GPC5: variants seen among roughly 807,000 people sequenced by gnomAD.
The protein encoded by GPC5 is glypican 5.
Under a neutral mutation model 53.9 loss-of-function variants are expected in GPC5, and 47 were observed. That is an observed-to-expected ratio of 0.87 (90% confidence interval 0.69 to 1.11). The LOEUF (loss-of-function observed/expected upper bound fraction) is 1.11, where lower values mean the gene tolerates loss of function less well. GPC5 is among the 50% of genes most tolerant of loss of function. The pLI is 0.00. For synonymous variants in GPC5, 286 were observed against 263.3 expected, an observed-to-expected ratio of 1.09 and a Z score of -0.84; for missense variants, 748 against 713.1, an observed-to-expected ratio of 1.05 and a Z score of -0.56.
At chr13:92,731,565 A>T (rs1379861710) in intron 7 of GPC5, among the ~76,000 whole-genome samples, 1 of 151,506 alleles carries the variant, frequency 6.6e-6, no homozygotes, top group Non-Finnish European at 1.5e-5. Flanking sequence ...GTTCAAATTC[A>T]AGATATCATG....
intron 7 of GPC5, among the ~76,000 whole-genome samples, chr13:92,469,124 A>G (rs1878811583): frequency 6.6e-6 from 1 of 152,184 alleles, no homozygotes; most frequent in African/African-American, 2.4e-5. Context: ...ATGAGTGAGC[A>G]GTTGTTACTA....
intron 2 of GPC5, among the ~76,000 whole-genome samples, chr13:91,549,793 T>G (rs1288958404): frequency 1.3e-5 from 2 of 152,174 alleles, no homozygotes; most frequent in Non-Finnish European, 2.9e-5. Context: ...CCAACAGCTC[T>G]CATTAATTGC....
chr13:91,916,709 A>G (rs77403155), intron 6 of GPC5, among the ~76,000 whole-genome samples: 62 of 152,274 alleles, frequency 4.1e-4, no homozygotes, highest in Middle Eastern at 3.4e-3. Context: ...GTCCTCAGGA[A>G]CCTTACAATC....
In GPC5 at chr13:91,528,355, T is replaced by G. The variant is rs567917508; in HGVS notation, c.325+79433T>G. Among the ~76,000 whole-genome samples, 113 of 152,320 alleles carry G rather than the reference T, an allele frequency of 7.4e-4. 11 individuals carry two copies. The highest frequency in any genetic ancestry group is 1.0e-4 in the Non-Finnish European group (7 of 68,030). ...TCTCAAGTTCAAAGTTTCACAGATC[T>G]CTAGGGTAGAGGCAAAATGCTGCCA... On this transcript the variant is annotated intron_variant, in intron 2 of 7. Transcript: ENST00000377067.
chr13:92,570,850 C>T (rs1393937767), intron 7 of GPC5, among the ~76,000 whole-genome samples: 3 of 152,232 alleles, frequency 2.0e-5, no homozygotes, highest in Non-Finnish European at 4.4e-5. Context: ...ATCCTCACAA[C>T]AGCCACATAA....
chr13:92,128,665 A>C (rs2041719318), intron 6 of GPC5, among the ~76,000 whole-genome samples: 1 of 152,158 alleles, frequency 6.6e-6, no homozygotes. Flanking sequence ...GCATGCTTTT[A>C]ATTTAAGAAG....
chr13:92,075,001 T>C (rs1363104766), intron 6 of GPC5, among the ~76,000 whole-genome samples: 1 of 152,196 alleles, frequency 6.6e-6, no homozygotes, highest in Non-Finnish European at 1.5e-5. Context: ...GTTCACTTAT[T>C]TGCGTTTAGT....
intron 2 of GPC5, among the ~76,000 whole-genome samples, chr13:91,454,996 A>T (rs1255246533): frequency 6.6e-6 from 1 of 152,094 alleles, no homozygotes; most frequent in East Asian, 1.9e-4. Flanking sequence ...CATTTGGGAG[A>T]TTACAACTAG....
intron 6 of GPC5, among the ~76,000 whole-genome samples, chr13:91,935,643 G>A (rs1195537014): frequency 2.6e-5 from 4 of 151,978 alleles, no homozygotes; most frequent in East Asian, 1.9e-4. Context: ...ACAGCCTTTA[G>A]GTTTTTGGCT....
intron 7 of GPC5, among the ~76,000 whole-genome samples, chr13:92,576,828 A>AC (rs1468203386): frequency 1.3e-5 from 2 of 152,146 alleles, no homozygotes; most frequent in Non-Finnish European, 2.9e-5. Context: ...TCAATCATAA[A>AC]CTTGAAATCA....
intron 2 of GPC5, among the ~76,000 whole-genome samples, chr13:91,571,799 A>ATATACACACACATATACGTGTGTGTGTG (rs2031811811): frequency 2.7e-5 from 2 of 75,054 alleles, no homozygotes; most frequent in African/African-American, 1.4e-4. Flanking sequence ...GTGTGTGTAT[A>ATATACACACACATATACGTGTGTGTGTG]TATACACACA....
At position 91,741,093 on chromosome 13, in the gene GPC5, G is replaced by T. The variant is rs565376800; in HGVS notation, c.1154+12428G>T. Among the ~76,000 whole-genome samples the T allele has an allele frequency of 9.9e-5, 15 of 152,258 alleles. 1 individual carries two copies. The highest frequency in any genetic ancestry group is 3.4e-4 in the African/African-American group (14 of 41,562). The stretch of plus-strand genomic sequence containing the variant: ...TGAGTGTGTATTTGCATAATAGGGA[G>T]TGTCCTAGGTGCTTAGTAAAAATAA... On this transcript the variant is annotated intron_variant, in intron 4 of 7. Transcript: ENST00000377067.
At chr13:91,753,738 A>G (rs2037228800) in intron 4 of GPC5, among the ~76,000 whole-genome samples, 1 of 152,170 alleles carries the variant, frequency 6.6e-6, no homozygotes. Flanking sequence ...CTCTAGTGAA[A>G]CTGCATACTA....
At chr13:92,081,978 G>GA (rs777742774) in intron 6 of GPC5, among the ~76,000 whole-genome samples, 36 of 152,238 alleles carry the variant, frequency 2.4e-4, no homozygotes, top group Non-Finnish European at 4.6e-4. Context: ...TAAATAGATA[G>GA]AAAATCAAGG....
chr13:92,539,710 A>C (rs1881868555), intron 7 of GPC5, among the ~76,000 whole-genome samples: 1 of 151,454 alleles, frequency 6.6e-6, no homozygotes, highest in East Asian at 1.9e-4. Flanking sequence ...GCCTCCTTAT[A>C]GCCTCCTTTG....
intron 5 of GPC5, among the ~76,000 whole-genome samples, chr13:91,891,039 TAC>T (rs2039379947): frequency 6.6e-6 from 1 of 152,174 alleles, no homozygotes; most frequent in Non-Finnish European, 1.5e-5. Context: ...AATTTCAACT[TAC>T]AGGGTATCAA....
intron 5 of GPC5, among the ~76,000 whole-genome samples, chr13:91,899,372 TA>T (rs1470688068): frequency 2.6e-5 from 4 of 152,174 alleles, no homozygotes; most frequent in African/African-American, 9.7e-5. Context: ...ACATAAAAGT[TA>T]AAAACCAAGC....
chr13:92,363,907 G>T (rs2043588111), intron 7 of GPC5, among the ~76,000 whole-genome samples: 1 of 151,732 alleles, frequency 6.6e-6, no homozygotes, highest in Admixed American at 6.6e-5. Flanking sequence ...TGAAAAAGAT[G>T]ATTGAACTAA....
At chr13:92,412,516 A>G (rs778421980) in intron 7 of GPC5, among the ~76,000 whole-genome samples, 1 of 152,182 alleles carries the variant, frequency 6.6e-6, no homozygotes, top group African/African-American at 2.4e-5. Flanking sequence ...AACATTCTTA[A>G]ACCGTTGGAA....
Sources: gnomAD v4.1 joint callset for allele counts (sites outside exome capture counted in the v4.1 genomes callset) on GRCh38, gnomAD v4.1.1 for gene constraint, MANE v1.5 for transcripts, NCBI Gene and HGNC (gene_info 2026-07-23, HGNC 2026-07-21) for gene names.